The following SBNO2 variants were observed in gnomAD, a reference collection of about 807,000 sequenced individuals.
SBNO2 encodes the protein protein strawberry notch homolog 2.
SBNO2 carries 89 observed loss-of-function variants against 146.3 expected under a neutral mutation model. That is an observed-to-expected ratio of 0.61 (90% CI 0.51 to 0.73). The LOEUF is 0.73. SBNO2 is among the 30% of genes least tolerant of loss of function. The pLI is 0.00. For missense variants in SBNO2, 2,092 were observed against 2,003.7 expected, an observed-to-expected ratio of 1.04 and a Z score of -0.84; for synonymous variants, 1,147 against 892.6, an observed-to-expected ratio of 1.29 and a Z score of -5.08.
At chr19:1,147,190 C>T in intron 4 of SBNO2, 119 bp downstream of exon 4, 1 of 672,130 alleles carries the variant, frequency 1.5e-6, no homozygotes. Context: ...GGCCGAGGGG[C>T]CAAGCCGAGG....
intron 4 of SBNO2, among the ~76,000 whole-genome samples, chr19:1,146,076 G>A (rs754633125): frequency 2.6e-5 from 4 of 152,104 alleles, no homozygotes; most frequent in Admixed American, 6.5e-5. Context: ...CCCCAGCCCC[G>A]GCCTCCAGCG....
rs2079869986 is a variant in SBNO2, at chr19:1,119,257, G to T, written c.1374-93C>A. The stretch of plus-strand genomic sequence containing the variant: ...GGCAGAGCCAGTCGCAGAGAGGGCG[G>T]GGTCGGCAGGAGCAGAGCCCTGGCG... On this transcript the variant is annotated intron_variant, in intron 13 of 31. Coordinates refer to ENST00000361757, the MANE Select transcript of SBNO2 (RefSeq NM_014963.3). The T allele has an allele frequency of 5.5e-6, 8 of 1,441,686 alleles. No homozygotes were observed. The South Asian group carries it at 1.0e-4, about 19-fold the overall frequency. 89.3% of individuals were successfully genotyped at this position (1,441,686 alleles called of 1,614,324 possible). A position where few individuals can be genotyped will look rare whatever the true frequency, so the allele number is the denominator to read the frequency against.
chr19:1,115,783 G>A (rs2072281), intron 17 of SBNO2: 306,826 of 570,578 alleles, frequency 0.54, 83,849 homozygotes, highest in African/African-American at 0.66. Flanking sequence ...GGTCTCGCTC[G>A]GCACCCACGT....
rs1206690120 is a variant in SBNO2, at chr19:1,173,840, AC to A, written c.-127+331del. ...ACCAAGCTGCGCGGTACAGGGAGTC[AC>A]CCGGAAGAGCGGGAAGGAAAGGTTG... On this transcript the variant is annotated intron_variant, in intron 1 of 31. Transcript: ENST00000361757. The surrounding 1 kb of genome is among the most constrained non-coding windows in gnomAD (Gnocchi z 4.7). The A allele has an allele frequency of 1.4e-5, 2 of 146,092 alleles. No homozygotes were observed. The highest frequency in any genetic ancestry group is 5.0e-5 in the African/African-American group (2 of 39,854). 9.0% of individuals were successfully genotyped at this position (146,092 alleles called of 1,614,324 possible). A position where few individuals can be genotyped will look rare whatever the true frequency, so the allele number is the denominator to read the frequency against.
intron 4 of SBNO2, among the ~76,000 whole-genome samples, chr19:1,141,696 G>A (rs1374252408): frequency 3.3e-5 from 5 of 151,984 alleles, no homozygotes; most frequent in Non-Finnish European, 7.4e-5. Flanking sequence ...CCTCCCACTG[G>A]GAACTCCCAG....
At chr19:1,164,419 A>AGGAG (rs2080382777) in intron 1 of SBNO2, among the ~76,000 whole-genome samples, 2 of 9,988 alleles carry the variant, frequency 2.0e-4, no homozygotes, top group African/African-American at 7.4e-4. Flanking sequence ...AGGAGGAGGA[A>AGGAG]CAGGAGGAGG....
At chr19:1,142,106 A>C (rs1160846393) in intron 4 of SBNO2, among the ~76,000 whole-genome samples, 2 of 3,472 alleles carry the variant, frequency 5.8e-4, no homozygotes, top group Non-Finnish European at 1.2e-3. Flanking sequence ...TCACTCAGTG[A>C]CCTCCCTCAT....
chr19:1,147,431 ATGGGGGGGG>A lies in SBNO2; in HGVS notation c.168-20_168-12del. ...GAGCTCATGAACGGGCTGGAGGGAG[ATGGGGGGGG>A]GGGAGGTGAGATGGGGTGCTCAACC... On this transcript the variant is annotated splice_polypyrimidine_tract_variant and intron_variant, in intron 3 of 31. Transcript: ENST00000361757. 1 of 591,012 alleles carries A rather than the reference ATGGGGGGGG, an allele frequency of 1.7e-6. No individual in the cohort carries two copies. Among genetic ancestry groups the A allele is most frequent in the Non-Finnish European group, 2.6e-6 (1 of 381,564 alleles). 36.6% of individuals were successfully genotyped at this position (591,012 alleles called of 1,614,324 possible).
chr19:1,171,821 G>C (rs527487814), intron 1 of SBNO2, among the ~76,000 whole-genome samples: 1 of 152,320 alleles, frequency 6.6e-6, no homozygotes, highest in African/African-American at 2.4e-5. Flanking sequence ...TCCCCGCCAG[G>C]TGAGAGGGCA....
intron 1 of SBNO2, among the ~76,000 whole-genome samples, chr19:1,172,980 C>T (rs1197644169): frequency 8.8e-6 from 1 of 113,842 alleles, no homozygotes; most frequent in Non-Finnish European, 1.8e-5. Flanking sequence ...CCCGGCTACA[C>T]ATTTAAGAGA....
rs982500370 is a variant in SBNO2, at chr19:1,109,463, C to T, written c.3217-40G>A. On this transcript the variant is annotated intron_variant, in intron 28 of 31. Coordinates refer to ENST00000361757, the MANE Select transcript of SBNO2 (RefSeq NM_014963.3). This position sits in a 1 kb window ranked among gnomAD's most constrained non-coding sequence, Gnocchi z 4.2. ...GTTGAGGCCGCGCCCCGGTCCGCCC[C>T]CCGCGGGCCCTCCTCTGGGGGGGTA... 5.7e-6 allele frequency: 9 copies of T among 1,567,020 alleles called. No individual in the cohort carries two copies. Among genetic ancestry groups the T allele is most frequent in the East Asian group, 2.4e-5 (1 of 42,136 alleles).
chr19:1,170,016 C>G (rs1436634076), intron 1 of SBNO2, among the ~76,000 whole-genome samples: 1 of 152,216 alleles, frequency 6.6e-6, no homozygotes, highest in South Asian at 2.1e-4. Context: ...GTCTACCCCC[C>G]ATCTGTGGAC....
At position 1,156,080 on chromosome 19, in the gene SBNO2, C is replaced by T. The variant is rs79760662; in HGVS notation, c.-126-1678G>A. 3.9e-3 allele frequency among the ~76,000 whole-genome samples: 589 copies of T among 152,274 alleles called. 7 individuals are homozygous for T. In the East Asian group the frequency reaches 0.05, roughly 13 times the overall value. ...GGCACCTTGGGCAGCTCTGGGGCGA[C>T]CCCATGACCGTCCTCGGGGTACACC... On this transcript the variant is annotated intron_variant, in intron 1 of 31. Coordinates refer to ENST00000361757, the MANE Select transcript of SBNO2 (RefSeq NM_014963.3).
In SBNO2 at chr19:1,111,041, A is replaced by G. The variant is rs369211627; in HGVS notation, c.2862T>C (p.Asn954=). The change falls in exon 25 of 32, where the codon AAT becomes AAC. Residue 954 remains asparagine, a synonymous_variant. Transcript: ENST00000361757. ...SVGIGGRESR[N]GCLDVEKDCS... is the part of the protein sequence containing the mutation. ...CACCCTTCTCCACGTCCAGGCAGCC[A>G]TTCCGGGACTCCCGGCCACCAATGC... 54 of 1,574,664 alleles carry G rather than the reference A, an allele frequency of 3.4e-5. No homozygotes were observed. In the African/African-American group the frequency reaches 7.2e-4, roughly 21 times the overall value.
At position 1,112,662 on chromosome 19, in the gene SBNO2, C is replaced by G; in HGVS notation, c.2380-125G>C. 3.5e-6 allele frequency: 5 copies of G among 1,440,464 alleles called. No individual in the cohort carries two copies. The highest frequency in any genetic ancestry group is 4.6e-6 in the Non-Finnish European group (5 of 1,091,664). The allele number at this position is 1,440,464 out of a possible 1,614,324, so 89.2% of individuals were successfully genotyped here. A position where few individuals can be genotyped will look rare whatever the true frequency, so the allele number is the denominator to read the frequency against. Reference sequence around the variant, plus strand: ...ACGTCCCGGGGCAGCGAGAGGCCTGCGGGGCGCGGACACCACCCGCCACAC... The same window carrying G: ...ACGTCCCGGGGCAGCGAGAGGCCTGGGGGGCGCGGACACCACCCGCCACAC... On this transcript the variant is annotated intron_variant, in intron 20 of 31. Transcript: ENST00000361757. The surrounding 1 kb of genome is among the most constrained non-coding windows in gnomAD (Gnocchi z 5.9).
At chr19:1,133,398 G>A (rs1434569806) in intron 4 of SBNO2, among the ~76,000 whole-genome samples, 3 of 152,140 alleles carry the variant, frequency 2.0e-5, no homozygotes, top group African/African-American at 7.2e-5. Context: ...CTCCCGCCAG[G>A]GCTCTGAGGG....
intron 30 of SBNO2, 24 bp from the exon 31 acceptor site, chr19:1,108,993 G>A (rs1241313830): frequency 2.0e-6 from 3 of 1,494,622 alleles, no homozygotes; most frequent in Non-Finnish European, 1.8e-6. Context: ...GGGTCGTCTC[G>A]GCTCAGGCGG....
In SBNO2 at chr19:1,119,919, G is replaced by A. The variant is rs576246024; in HGVS notation, c.1254C>T (p.Tyr418=). 1.5e-5 allele frequency: 23 copies of A among 1,547,520 alleles called. No individual in the cohort carries two copies. In the Admixed American group the frequency reaches 2.0e-4, roughly 13 times the overall value. ...QNKLPLARVV[Y]ASATGASEPR... is the part of the protein sequence containing the mutation. ...GCACCGCCCCACCTGTGGCGCTGGC[G>A]TAGACCACGCGGGCCAGGGGCAGCT... Residue 418 remains tyrosine, a synonymous_variant, in exon 12 of 32, where the codon TAC becomes TAT. Transcript: ENST00000361757.
Position 1,112,803 on chromosome 19 carries a change from A to G in SBNO2, c.2379+15T>C, listed in dbSNP as rs2079782098. The stretch of plus-strand genomic sequence containing the variant: ...GGGTCCCGTGGGCCGCGCCCAGTGC[A>G]CTGCAGCCCCGCACCTTCTCGCCGC... On this transcript the variant is annotated intron_variant, in intron 20 of 31. Coordinates refer to ENST00000361757, the MANE Select transcript of SBNO2 (RefSeq NM_014963.3). The surrounding 1 kb of genome is among the most constrained non-coding windows in gnomAD (Gnocchi z 5.9). 2 of 1,559,956 alleles carry G rather than the reference A, an allele frequency of 1.3e-6. No individual in the cohort carries two copies. The highest frequency in any genetic ancestry group is 2.7e-5 in the African/African-American group (2 of 73,538).
Sources: gnomAD v4.1 joint callset for allele counts (sites outside exome capture counted in the v4.1 genomes callset) on GRCh38, gnomAD v4.1.1 for gene constraint, Gnocchi (gnomAD v3.1) non-coding constraint, MANE v1.5 for transcripts, NCBI Gene and HGNC (gene_info 2026-07-23, HGNC 2026-07-21) for gene names.